MAP4: variants seen among roughly 807,000 people sequenced by gnomAD.
MAP4 encodes microtubule-associated protein 4.
Under a neutral mutation model 170.2 loss-of-function variants are expected in MAP4, and 76 were observed. The observed-to-expected ratio is 0.45, with a 90% CI of 0.37 to 0.54. The LOEUF (loss-of-function observed/expected upper bound fraction) is 0.54, where lower values mean the gene tolerates loss of function less well. Among genes scored for constraint, MAP4 ranks in the 20% least tolerant of loss-of-function variants. The probability of loss-of-function intolerance (pLI) is 0.00; values close to 1 mark genes in which losing one functional copy is unlikely to be tolerated. For missense variants in MAP4, 2,506 were observed against 2,748.0 expected, an observed-to-expected ratio of 0.91 and a Z score of 1.97; for synonymous variants, 909 against 994.5, an observed-to-expected ratio of 0.91 and a Z score of 1.62.
intron 10 of MAP4, 47 bp from the exon 11 acceptor site, chr3:47,877,570 A>G (rs780484245): frequency 4.6e-6 from 6 of 1,308,158 alleles, no homozygotes; most frequent in African/African-American, 2.9e-5. Context: ...AACATTTTAC[A>G]TGCCCATTTT....
intron 1 of MAP4, among the ~76,000 whole-genome samples, chr3:48,065,796 G>T (rs1382706328): frequency 6.6e-6 from 1 of 152,082 alleles, no homozygotes; most frequent in Non-Finnish European, 1.5e-5. Flanking sequence ...AACTTCTCAA[G>T]CAACAATGTA....
intron 10 of MAP4, chr3:47,891,294 G>A: frequency 1.3e-6 from 2 of 1,536,178 alleles, no homozygotes; most frequent in Non-Finnish European, 1.7e-6. Context: ...TTGCTGAAGT[G>A]AGCCAATTCT....
rs576985658 is a variant in MAP4, at chr3:47,851,781, T to A, written c.*1153A>T. On this transcript the variant is annotated 3_prime_UTR_variant, in exon 21 of 21. Transcript: ENST00000683076. ...TAGTCTCATGCCTTTTATTTTTAAATTTCCAGACCTGATTTCCTACTATCT... is the reference window on the plus strand; with the variant it reads ...TAGTCTCATGCCTTTTATTTTTAAAATTCCAGACCTGATTTCCTACTATCT... The A allele has an allele frequency of 7.9e-5, 12 of 152,140 alleles. No individual in the cohort carries two copies. Among genetic ancestry groups the A allele is most frequent in the Admixed American group, 7.9e-4 (12 of 15,278 alleles). The allele number at this position is 152,140 out of a possible 1,614,324, so 9.4% of individuals were successfully genotyped here.
intron 5 of MAP4, among the ~76,000 whole-genome samples, chr3:47,921,237 C>T (rs1195820407): frequency 6.6e-6 from 1 of 152,200 alleles, no homozygotes; most frequent in Non-Finnish European, 1.5e-5. Flanking sequence ...CCCACAGCCC[C>T]TAAATCTGAC....
chr3:48,072,058 G>C (rs778287595), intron 1 of MAP4, among the ~76,000 whole-genome samples: 9 of 151,492 alleles, frequency 5.9e-5, no homozygotes, highest in Non-Finnish European at 1.0e-4. Flanking sequence ...CATTAGCCAG[G>C]CATGGTGACA....
intron 1 of MAP4, among the ~76,000 whole-genome samples, chr3:48,054,729 A>C (rs1451774332): frequency 6.6e-6 from 1 of 151,326 alleles, no homozygotes; most frequent in Admixed American, 6.6e-5. Flanking sequence ...AATCACTTGA[A>C]ACCTGAAAGC....
At chr3:48,026,689 T>A (rs1262876346) in intron 1 of MAP4, among the ~76,000 whole-genome samples, 1 of 152,184 alleles carries the variant, frequency 6.6e-6, no homozygotes, top group Admixed American at 6.5e-5. Flanking sequence ...GTTTCTCAGA[T>A]TTCATTTTTG....
At chr3:47,988,444 G>A (rs1394541267) in intron 2 of MAP4, among the ~76,000 whole-genome samples, 2 of 152,150 alleles carry the variant, frequency 1.3e-5, no homozygotes, top group Admixed American at 1.3e-4. Context: ...GAACATAGGT[G>A]AGGAGGAAAT....
intron 2 of MAP4, among the ~76,000 whole-genome samples, chr3:47,980,858 T>C (rs1403026335): frequency 1.3e-5 from 2 of 152,178 alleles, no homozygotes; most frequent in African/African-American, 4.8e-5. Context: ...AGAATGCATA[T>C]TATAAGAAAA....
intron 12 of MAP4, among the ~76,000 whole-genome samples, chr3:47,873,364 A>G (rs142620653): frequency 6.6e-6 from 1 of 152,188 alleles, no homozygotes; most frequent in Non-Finnish European, 1.5e-5. Flanking sequence ...ATTTTGATAA[A>G]CAAATTACCA....
Position 47,918,700 on chromosome 3 carries a change from G to A in MAP4, c.652+19C>T, listed in dbSNP as rs1324093579. 3.8e-6 allele frequency: 6 copies of A among 1,591,600 alleles called. No homozygotes were observed. Among genetic ancestry groups the A allele is most frequent in the Non-Finnish European group, 5.2e-6 (6 of 1,160,822 alleles). On this transcript the variant is annotated intron_variant, in intron 6 of 20. Transcript: ENST00000683076. ...ATACTGCAACCATTAACTGATAAAG[G>A]GAGTCTCTAATAGTTTACCTGCCGT...
intron 10 of MAP4, among the ~76,000 whole-genome samples, chr3:47,883,235 C>T (rs371287509): frequency 7.9e-5 from 12 of 152,060 alleles, no homozygotes; most frequent in African/African-American, 2.9e-4. Flanking sequence ...CTATTATATT[C>T]CTTTTTTTTT....
At chr3:48,050,147 C>G (rs2154548247) in intron 1 of MAP4, among the ~76,000 whole-genome samples, 1 of 151,386 alleles carries the variant, frequency 6.6e-6, no homozygotes, top group Admixed American at 6.6e-5. Context: ...GTAATCCCAG[C>G]TACTCGGGAG....
Position 47,912,223 on chromosome 3 carries a change from C to A in MAP4, c.2198G>T (p.Cys733Phe). 6.5e-7 allele frequency: 1 copy of A among 1,536,134 alleles called. No homozygotes were observed. The part of the protein sequence containing the change: ...ESGWVSGSSS[C>F]GGPGNQRKSI... ...TTTTCTTTGGTTCCCAGGCCCACCA[C>A]AGGAGGATGAACCAGAGACCCAACC... The change falls in exon 9 of 21, where the codon TGT becomes TTT. Residue 733 changes from cysteine to phenylalanine, a missense_variant. By Grantham distance (205) the Cys-to-Phe change is radical. Around this residue, in one of 3 missense-constraint regions of MAP4, gnomAD observed 2,008 missense variants for 2,206.0 expected, o/e 0.91. Coordinates refer to ENST00000683076, the MANE Select transcript of MAP4 (RefSeq NM_001385682.1).
At chr3:47,927,789 T>C (rs911709093) in intron 4 of MAP4, among the ~76,000 whole-genome samples, 1 of 152,290 alleles carries the variant, frequency 6.6e-6, no homozygotes, top group African/African-American at 2.4e-5. Context: ...TTTAATTTTA[T>C]AGAAAGTGGG....
chr3:47,912,554 A>C (rs1251310033), intron 8 of MAP4, 133 bp from the exon 9 acceptor site: 3 of 655,674 alleles, frequency 4.6e-6, no homozygotes, highest in Non-Finnish European at 6.9e-6. Context: ...TATAGTACTT[A>C]CTGTAATTTG....
intron 1 of MAP4, among the ~76,000 whole-genome samples, chr3:48,070,163 G>A (rs991564796): frequency 6.0e-5 from 9 of 151,110 alleles, no homozygotes; most frequent in African/African-American, 2.2e-4. Context: ...TTTTTTCAGA[G>A]ATGGGGTCTT....
chr3:47,928,762 G>C (rs1438632459), intron 3 of MAP4, among the ~76,000 whole-genome samples: 3 of 151,492 alleles, frequency 2.0e-5, no homozygotes, highest in Non-Finnish European at 2.9e-5. Context: ...AGAGGGTAGT[G>C]ATTTCTCCAC....
At position 47,918,770 on chromosome 3, in the gene MAP4, C is replaced by T; in HGVS notation, c.601G>A (p.Glu201Lys). The change falls in exon 6 of 21, where the codon GAG (glutamate) becomes AAG (lysine). Residue 201 changes from glutamate (E) to lysine (K), a missense_variant. Transcript: ENST00000683076. ...SVEALNSPHS[E>K]SFVSPEAVAE... ...ACAGCCTCTGGGGAAACAAAGGACT[C>T]TGAGTGTGGAGAGTTTAAGGCTTCC... is the stretch of plus-strand genomic sequence containing the variant. The T allele has an allele frequency of 6.2e-7, 1 of 1,612,002 alleles. No individual in the cohort carries two copies. The highest frequency in any genetic ancestry group is 1.6e-4 in the Middle Eastern group (1 of 6,062).
Sources: gnomAD v4.1 joint callset for allele counts (sites outside exome capture counted in the v4.1 genomes callset) on GRCh38, gnomAD v4.1.1 for gene constraint, gnomAD v4.1.1 regional missense constraint, MANE v1.5 for transcripts, NCBI Gene and HGNC (gene_info 2026-07-23, HGNC 2026-07-21) for gene names.